UMAD1: variants seen among roughly 807,000 people sequenced by gnomAD.
The protein encoded by UMAD1 is UBAP1-MVB12-associated (UMA)-domain containing protein 1.
In UMAD1, 8 loss-of-function variants were observed where a neutral mutation model predicts 6.1. That is an observed-to-expected ratio of 1.30 (90% confidence interval 0.76 to 2.35). The LOEUF (loss-of-function observed/expected upper bound fraction) is 2.35. Ranked by LOEUF, UMAD1 falls within the 30% of genes most tolerant of loss-of-function variation. The pLI is 0.00. For missense variants in UMAD1, 130 were observed against 78.4 expected, an observed-to-expected ratio of 1.66 and a Z score of -2.49; for synonymous variants, 56 against 31.4, an observed-to-expected ratio of 1.78 and a Z score of -2.61.
At chr7:7,683,366 G>C (rs1779959717) in intron 2 of UMAD1, among the ~76,000 whole-genome samples, 1 of 152,132 alleles carries the variant, frequency 6.6e-6, no homozygotes, top group Non-Finnish European at 1.5e-5. Context: ...GATGATTCTA[G>C]AGTTCATGCA....
intron 2 of UMAD1, among the ~76,000 whole-genome samples, chr7:7,765,770 G>A (rs1257059900): frequency 6.6e-6 from 1 of 152,174 alleles, no homozygotes; most frequent in East Asian, 1.9e-4. Flanking sequence ...TGGGGATACA[G>A]TATGCTAAGC....
At chr7:7,761,597 A>G (rs1177700337) in intron 2 of UMAD1, among the ~76,000 whole-genome samples, 1 of 152,228 alleles carries the variant, frequency 6.6e-6, no homozygotes, top group Non-Finnish European at 1.5e-5. Context: ...AAGGAAAAGG[A>G]AGAAATCTCA....
At chr7:7,729,345 T>G (rs771067801) in intron 2 of UMAD1, among the ~76,000 whole-genome samples, 2 of 152,204 alleles carry the variant, frequency 1.3e-5, no homozygotes, top group Non-Finnish European at 2.9e-5. Context: ...TGTTGAACAT[T>G]AAGCTGAAGA....
intron 1 of UMAD1, among the ~76,000 whole-genome samples, chr7:7,644,506 A>G (rs548550299): frequency 3.9e-5 from 6 of 152,286 alleles, no homozygotes; most frequent in African/African-American, 1.4e-4. Context: ...TAAAATGTTT[A>G]GAGTTTTGCC....
intron 2 of UMAD1, among the ~76,000 whole-genome samples, chr7:7,692,807 C>T (rs915472244): frequency 3.3e-5 from 5 of 152,100 alleles, no homozygotes; most frequent in African/African-American, 1.2e-4. Flanking sequence ...ACGGGGTTCA[C>T]CATGTTGGTC....
chr7:7,850,023 A>T (rs564608412), intron 3 of UMAD1, among the ~76,000 whole-genome samples: 29 of 152,316 alleles, frequency 1.9e-4, no homozygotes, highest in African/African-American at 7.0e-4. Context: ...ATGATGTTGT[A>T]GGGAAAAGGA....
rs150426709 is a variant in UMAD1, at chr7:7,786,139, G to A, written c.83-15531G>A. On this transcript the variant is annotated intron_variant, in intron 2 of 3. Transcript: ENST00000682710. ...AAGCAAGGGCATCTCCTACATTTAC[G>A]TTTTGTCCCAGTGATGTCCTTTACA... 1.6e-4 allele frequency among the ~76,000 whole-genome samples: 24 copies of A among 152,208 alleles called. No individual in the cohort carries two copies. The South Asian group carries it at 3.1e-3, about 20-fold the overall frequency.
At position 7,709,312 on chromosome 7, in the gene UMAD1, A is replaced by C. The variant is rs115733654; in HGVS notation, c.82+35859A>C. On this transcript the variant is annotated intron_variant, in intron 2 of 3. Transcript: ENST00000682710. ...ATTCTTTGTAAATATGAACATTAGA[A>C]ACTTGTTCAATTGTGGGTCGTCATT... Among the ~76,000 whole-genome samples the C allele has an allele frequency of 1.5e-3, 234 of 152,350 alleles. 1 individual carries two copies. The highest frequency in any genetic ancestry group is 5.3e-3 in the African/African-American group (219 of 41,576).
intron 2 of UMAD1, among the ~76,000 whole-genome samples, chr7:7,768,676 C>T (rs544769470): frequency 2.6e-5 from 4 of 152,076 alleles, no homozygotes; most frequent in Non-Finnish European, 4.4e-5. Flanking sequence ...TTTTTTTCCT[C>T]CTACTTGTTT....
At chr7:7,739,674 CA>C (rs1781425107) in intron 2 of UMAD1, among the ~76,000 whole-genome samples, 1 of 152,100 alleles carries the variant, frequency 6.6e-6, no homozygotes, top group Non-Finnish European at 1.5e-5. Flanking sequence ...GGTCAAAAAG[CA>C]CTTAATATTT....
chr7:7,773,104 AGAT>A (rs1283461496), intron 2 of UMAD1, among the ~76,000 whole-genome samples: 7 of 152,354 alleles, frequency 4.6e-5, no homozygotes, highest in African/African-American at 1.7e-4. Flanking sequence ...CAGGTTTTAA[AGAT>A]GATTTAGTTT....
At chr7:7,671,815 T>C (rs1779612215) in intron 1 of UMAD1, among the ~76,000 whole-genome samples, 1 of 152,206 alleles carries the variant, frequency 6.6e-6, no homozygotes, top group African/African-American at 2.4e-5. Context: ...AACTTTTCTT[T>C]TGTATCTATT....
chr7:7,847,913 A>C (rs546203480), intron 3 of UMAD1, among the ~76,000 whole-genome samples: 9 of 152,224 alleles, frequency 5.9e-5, no homozygotes, highest in African/African-American at 2.2e-4. Context: ...TCTCAAAGCC[A>C]CTTGGTTTTT....
chr7:7,711,835 T>C lies in UMAD1; in HGVS notation c.82+38382T>C, dbSNP rs370333948. On this transcript the variant is annotated intron_variant, in intron 2 of 3. Coordinates refer to ENST00000682710, the MANE Select transcript of UMAD1 (RefSeq NM_001302348.2). ...AATATATAAAACTTTTCCTTAACTT[T>C]CATATTTCAGTCTGATTTAAAAAGT... Among the ~76,000 whole-genome samples, 13 of 152,288 alleles carry C rather than the reference T, an allele frequency of 8.5e-5. No homozygotes were observed. In the South Asian group the frequency reaches 1.7e-3, roughly 19 times the overall value.
intron 3 of UMAD1, among the ~76,000 whole-genome samples, chr7:7,874,293 C>A (rs1352406485): frequency 6.6e-6 from 1 of 152,226 alleles, no homozygotes; most frequent in African/African-American, 2.4e-5. Context: ...TCATTCCCAG[C>A]TATCTTCCCA....
chr7:7,787,166 T>C (rs919006835), intron 2 of UMAD1, among the ~76,000 whole-genome samples: 4 of 152,232 alleles, frequency 2.6e-5, no homozygotes, highest in Admixed American at 2.6e-4. Context: ...GAAGTAGGTC[T>C]AATTTCAAGA....
At chr7:7,747,753 A>C (rs953836457) in intron 2 of UMAD1, among the ~76,000 whole-genome samples, 2 of 152,072 alleles carry the variant, frequency 1.3e-5, no homozygotes, top group Non-Finnish European at 2.9e-5. Flanking sequence ...AGGTTGCCTT[A>C]TTTCTCCATT....
At chr7:7,665,610 T>C (rs1779423391) in intron 1 of UMAD1, among the ~76,000 whole-genome samples, 1 of 152,222 alleles carries the variant, frequency 6.6e-6, no homozygotes. Flanking sequence ...AAACAGTCAC[T>C]GCTGTCAAGA....
chr7:7,734,454 T>TA (rs1336946035), intron 2 of UMAD1, among the ~76,000 whole-genome samples: 1 of 152,194 alleles, frequency 6.6e-6, no homozygotes, highest in East Asian at 1.9e-4. Flanking sequence ...CTTTTGAAAT[T>TA]ATCTTTTCTA....
Sources: gnomAD v4.1 joint callset for allele counts (sites outside exome capture counted in the v4.1 genomes callset) on GRCh38, gnomAD v4.1.1 for gene constraint, MANE v1.5 for transcripts, NCBI Gene and HGNC (gene_info 2026-07-23, HGNC 2026-07-21) for gene names.